The following CLSPN variants were observed in gnomAD, a reference collection of about 807,000 sequenced individuals.
CLSPN encodes claspin, also known as claspin homolog.
In CLSPN, 85 loss-of-function variants were observed where a neutral mutation model predicts 156.3. That is an observed-to-expected ratio of 0.54 (90% confidence interval 0.46 to 0.65). The LOEUF (loss-of-function observed/expected upper bound fraction) is 0.65. CLSPN is among the 30% of genes least tolerant of loss of function. CLSPN has a pLI of 0.00. For missense variants in CLSPN, 1,407 were observed against 1,554.9 expected (o/e 0.90, Z 1.60); for synonymous variants, 534 against 542.4 (o/e 0.98, Z 0.22).
At chr1:35,755,772 G>C (rs1234244599) in intron 8 of CLSPN, among the ~76,000 whole-genome samples, 1 of 152,112 alleles carries the variant, frequency 6.6e-6, no homozygotes, top group African/African-American at 2.4e-5. Context: ...GCAGTGGTGC[G>C]ATCACAGCTC....
At chr1:35,744,336 TTG>T (rs1217437467) in intron 16 of CLSPN, among the ~76,000 whole-genome samples, 9 of 152,338 alleles carry the variant, frequency 5.9e-5, no homozygotes, top group African/African-American at 1.7e-4. Flanking sequence ...AGACAGGGTC[TTG>T]CTCTGATGCC....
intron 18 of CLSPN, 95 bp from the exon 19 acceptor site, chr1:35,739,624 T>C: frequency 1.2e-6 from 1 of 816,370 alleles, no homozygotes; most frequent in Non-Finnish European, 1.9e-6. Context: ...CTTCTAATAA[T>C]AATAAACATA....
chr1:35,751,397 C>T lies in CLSPN; in HGVS notation c.1881G>A (p.Gly627=), dbSNP rs1642081564. Residue 627 remains glycine (G), a synonymous_variant, in exon 10 of 25, where the codon GGG becomes GGA. Coordinates refer to ENST00000318121, the MANE Select transcript of CLSPN (RefSeq NM_022111.4). ...CCTCTTCCTCCTCCTCTTCCTCAAA[C>T]CCATCTTCATTATCTAATTTAAACA... ...QALFKLDNED[G]FEEEEEEEEE... 3 of 1,613,644 alleles carry T rather than the reference C, an allele frequency of 1.9e-6. No individual in the cohort carries two copies. Among genetic ancestry groups the T allele is most frequent in the African/African-American group, 1.3e-5 (1 of 74,926 alleles).
At chr1:35,738,686 A>G (rs1641573065) in intron 20 of CLSPN, 104 bp from the exon 21 acceptor site, 8 of 1,170,654 alleles carry the variant, frequency 6.8e-6, no homozygotes, top group Middle Eastern at 2.5e-4. Flanking sequence ...AATGATGTAA[A>G]CTTTTCCCAT....
intron 14 of CLSPN, 105 bp from the exon 15 acceptor site, chr1:35,747,097 C>G (rs546862327): frequency 1.3e-6 from 1 of 774,372 alleles, no homozygotes; most frequent in Middle Eastern, 2.4e-4. Context: ...CCGAGGCGGG[C>G]GGATCACGAG....
chr1:35,761,015 G>C (rs902240990), intron 7 of CLSPN, 81 bp downstream of exon 7: 11 of 1,416,284 alleles, frequency 7.8e-6, no homozygotes, highest in Non-Finnish European at 1.1e-5. Flanking sequence ...AAGGGAGTGA[G>C]AAATCTGAAC....
chr1:35,749,673 A>C lies in CLSPN; in HGVS notation c.2167T>G (p.Ser723Ala). The C allele has an allele frequency of 6.2e-7, 1 of 1,614,186 alleles. No homozygotes were observed. Among genetic ancestry groups the C allele is most frequent in the Non-Finnish European group, 8.5e-7 (1 of 1,180,024 alleles). ...CTGTCCTTAAACAGAAGTAAAGTAG[A>C]ATCTGATGAGAGAGACTTGGGAACA... ...LSVPKSLSSD[S>A]TLLLFKDSSS... The change falls in exon 11 of 25, where the codon TCT (serine) becomes GCT (alanine). Residue 723 changes from serine to alanine, a missense_variant. Physicochemically the swap from Ser to Ala is moderately conservative, Grantham distance 99. Transcript: ENST00000318121.
At position 35,733,593 on chromosome 1, in the gene CLSPN, T is replaced by C; in HGVS notation, c.*2903A>G. On this transcript the variant is annotated 3_prime_UTR_variant, in exon 25 of 25. Transcript: ENST00000318121. ...GGGCTACTTTGCCTTGGGAACTGTTTAGAGAGTTCAAAGAAAGAGGCAAAA... is the reference window on the plus strand; with the variant it reads ...GGGCTACTTTGCCTTGGGAACTGTTCAGAGAGTTCAAAGAAAGAGGCAAAA... The C allele has an allele frequency of 1.0e-6, 1 of 985,338 alleles. No homozygotes were observed. The highest frequency in any genetic ancestry group is 1.2e-6 in the Non-Finnish European group (1 of 829,922). The allele number at this position is 985,338 out of a possible 1,614,324, so 61.0% of individuals were successfully genotyped here. A position where few individuals can be genotyped will look rare whatever the true frequency, so the allele number is the denominator to read the frequency against.
chr1:35,743,410 A>C (rs551819783), intron 17 of CLSPN, 45 bp downstream of exon 17: 3 of 1,515,222 alleles, frequency 2.0e-6, no homozygotes, highest in African/African-American at 2.7e-5. Context: ...GAGGGCAGCA[A>C]TACATGGAGC....
chr1:35,768,080 A>G (rs1289187191), intron 1 of CLSPN, among the ~76,000 whole-genome samples: 1 of 152,206 alleles, frequency 6.6e-6, no homozygotes, highest in Non-Finnish European at 1.5e-5. Context: ...TCAAAAAATT[A>G]TTAAATTGGT....
At chr1:35,738,328 G>C (rs1336488510) in intron 21 of CLSPN, 127 bp downstream of exon 21, 7 of 948,884 alleles carry the variant, frequency 7.4e-6, no homozygotes, top group Middle Eastern at 2.4e-4. Flanking sequence ...ATAGCTCAAG[G>C]ATTAAAAGAG....
Position 35,764,681 on chromosome 1 carries a change from A to T in CLSPN, c.167T>A (p.Leu56Ter). 1 of 1,582,294 alleles carries T rather than the reference A, an allele frequency of 6.3e-7. No individual in the cohort carries two copies. The highest frequency in any genetic ancestry group is 8.5e-7 in the Non-Finnish European group (1 of 1,170,886). The change falls in exon 3 of 25, where the codon TTG becomes TAG. Residue 56 changes from leucine to a stop codon, truncating the protein, a stop_gained. Coordinates refer to ENST00000318121, the MANE Select transcript of CLSPN (RefSeq NM_022111.4). LOFTEE classifies it high-confidence loss of function. ...SDEEIFVSKK[L>*]KNRKVLQDSD... ...GTCTTGTAGAACCTTCCTGTTTTTC[A>T]ACTTCTTACTTACAAATATCTCTTC...
At chr1:35,747,305 G>C (rs1641924934) in intron 14 of CLSPN, among the ~76,000 whole-genome samples, 2 of 151,580 alleles carry the variant, frequency 1.3e-5, no homozygotes, top group Middle Eastern at 6.8e-3. Context: ...CTGGGCGACA[G>C]AGCAAGACTC....
rs1571191126 is a variant in CLSPN at position 35,736,377 on chromosome 1, A to G, written c.*119T>C. ...GAAATCACTGGAATTTCTGTCTGCA[A>G]TCTTATTGCATTGATTATGAAAGAA... On this transcript the variant is annotated 3_prime_UTR_variant, in exon 25 of 25. Coordinates refer to ENST00000318121, the MANE Select transcript of CLSPN (RefSeq NM_022111.4). 9 of 1,418,630 alleles carry G rather than the reference A, an allele frequency of 6.3e-6. No homozygotes were observed. The highest frequency in any genetic ancestry group is 8.3e-6 in the Non-Finnish European group (9 of 1,086,542). 87.9% of individuals were successfully genotyped at this position (1,418,630 alleles called of 1,614,324 possible). A position where few individuals can be genotyped will look rare whatever the true frequency, so the allele number is the denominator to read the frequency against.
chr1:35,740,216 AC>A (rs1002014443), intron 18 of CLSPN, among the ~76,000 whole-genome samples: 18 of 152,050 alleles, frequency 1.2e-4, no homozygotes, highest in Admixed American at 2.0e-4. Flanking sequence ...ACAAATCTTG[AC>A]CCCCACATCA....
chr1:35,769,491 C>G (rs539091703), intron 1 of CLSPN, among the ~76,000 whole-genome samples: 4 of 152,230 alleles, frequency 2.6e-5, no homozygotes, highest in South Asian at 4.1e-4. Context: ...TAGAGCCTCC[C>G]GGCTTTCAGA....
In CLSPN at chr1:35,764,265, C is replaced by A; in HGVS notation, c.582+1G>T. 6.5e-7 allele frequency: 1 copy of A among 1,542,774 alleles called. No individual in the cohort carries two copies. The highest frequency in any genetic ancestry group is 8.7e-7 in the Non-Finnish European group (1 of 1,146,080). ...ATAGCAAATTATTCTTTAAAATGTA[C>A]CTGGTTTTTTGTTTCCTTCTTTTTT... On this transcript the variant is annotated splice_donor_variant, in intron 3 of 24. Coordinates refer to ENST00000318121, the MANE Select transcript of CLSPN (RefSeq NM_022111.4). LOFTEE classifies it high-confidence loss of function.
At position 35,733,168 on chromosome 1, in the gene CLSPN, T is replaced by G. The variant is rs1047339620; in HGVS notation, c.*3328A>C. Among the ~76,000 whole-genome samples, 2 of 151,912 alleles carry G rather than the reference T, an allele frequency of 1.3e-5. No homozygotes were observed. Among genetic ancestry groups the G allele is most frequent in the Non-Finnish European group, 2.9e-5 (2 of 67,966 alleles). On this transcript the variant is annotated 3_prime_UTR_variant, in exon 25 of 25. Coordinates refer to ENST00000318121, the MANE Select transcript of CLSPN (RefSeq NM_022111.4). ...TTTTTAGTAGAGACGGGGTTTCACC[T>G]TGTTGGTCAGTCTGGTCTCCAACTC...
Position 35,751,425 on chromosome 1 carries a change from G to T in CLSPN, c.1853C>A (p.Ala618Glu). 1.9e-6 allele frequency: 3 copies of T among 1,613,860 alleles called. No individual in the cohort carries two copies. Among genetic ancestry groups the T allele is most frequent in the Non-Finnish European group, 2.5e-6 (3 of 1,180,008 alleles). The change falls in exon 10 of 25, where the codon GCA (alanine) becomes GAA (glutamate). Residue 618 changes from alanine to glutamate, a missense_variant. Coordinates refer to ENST00000318121, the MANE Select transcript of CLSPN (RefSeq NM_022111.4). ...ATCTTCATTATCTAATTTAAACAGT[G>T]CTTGGCGCTTCTGGCGCTCCTCAAA... ...RRFEERQKRQ[A>E]LFKLDNEDGF...
Sources: allele counts gnomAD v4.1 joint callset (sites outside exome capture counted in the v4.1 genomes callset), GRCh38; gene constraint gnomAD v4.1.1; transcripts MANE v1.5; gene names NCBI Gene and HGNC (gene_info 2026-07-23, HGNC 2026-07-21).